ZBBX: variants seen among roughly 807,000 people sequenced by gnomAD.
ZBBX encodes zinc finger B-box domain containing, also known as zinc finger B-box domain-containing protein 1.
A neutral mutation model predicts 108.5 loss-of-function variants in ZBBX; 101 were observed. The observed-to-expected ratio is 0.93, with a 90% confidence interval of 0.79 to 1.10. The LOEUF is 1.10. Among genes scored for constraint, ZBBX ranks in the 50% least tolerant of loss-of-function variants. The pLI is 0.00. For missense variants in ZBBX, 1,009 were observed against 941.4 expected (o/e 1.07, Z -0.94); for synonymous variants, 356 against 323.4 (o/e 1.10, Z -1.08).
chr3:167,294,211 GAAACAAAAAAGA>G (rs1444824277), intron 18 of ZBBX, among the ~76,000 whole-genome samples: 1 of 151,974 alleles, frequency 6.6e-6, no homozygotes, highest in Non-Finnish European at 1.5e-5. Context: ...ATTTCATATG[GAAACAAAAAAGA>G]GCCCGCATGG....
the ZBBX span, among the ~76,000 whole-genome samples, chr3:167,201,809 T>C: frequency 6.6e-6 from 1 of 152,124 alleles, no homozygotes; most frequent in Non-Finnish European, 1.5e-5. Flanking sequence ...CGTATACAGA[T>C]ACATTGCCTG....
At position 167,379,806 on chromosome 3, in the gene ZBBX, T is replaced by C. The variant is rs1005741678; in HGVS notation, c.-286-14A>G. ...GCAGACTAAAGGCTACAAAAGGGGA[T>C]GAAATATGGTTTCTCAGGGTGCCAA... On this transcript the variant is annotated splice_polypyrimidine_tract_variant and intron_variant, in intron 1 of 21. Transcript: ENST00000675490. The C allele has an allele frequency of 1.2e-4, 18 of 152,236 alleles. No homozygotes were observed. The highest frequency in any genetic ancestry group is 4.1e-4 in the African/African-American group (17 of 41,440). 9.4% of individuals were successfully genotyped at this position (152,236 alleles called of 1,614,324 possible).
At chr3:167,276,126 T>C (rs1380089228) in intron 20 of ZBBX, among the ~76,000 whole-genome samples, 1 of 152,188 alleles carries the variant, frequency 6.6e-6, no homozygotes, top group Admixed American at 6.5e-5. Context: ...AAAACCCATC[T>C]GTACATCACC....
chr3:167,264,131 A>G (rs558408964), intron 20 of ZBBX, among the ~76,000 whole-genome samples: 1 of 152,318 alleles, frequency 6.6e-6, no homozygotes, highest in South Asian at 2.1e-4. Context: ...TATAGGCAAC[A>G]CATCATTGGG....
chr3:167,343,522 A>G (rs1190151201), intron 9 of ZBBX, among the ~76,000 whole-genome samples: 1 of 151,906 alleles, frequency 6.6e-6, no homozygotes, highest in Non-Finnish European at 1.5e-5. Context: ...TAACTTCACT[A>G]AAGTGCAGGC....
chr3:167,391,804 A>G (rs923807336), intron 1 of ZBBX, among the ~76,000 whole-genome samples: 10 of 151,876 alleles, frequency 6.6e-5, no homozygotes, highest in Admixed American at 2.6e-4. Context: ...TGACAAATAT[A>G]TGCTGTATGT....
chr3:167,358,665 G>C (rs568176571), intron 8 of ZBBX, among the ~76,000 whole-genome samples: 1 of 151,940 alleles, frequency 6.6e-6, no homozygotes. Flanking sequence ...GTCTAGGCGT[G>C]GTGGCTCACA....
chr3:167,377,060 A>G (rs936094718), intron 2 of ZBBX, among the ~76,000 whole-genome samples: 2 of 152,182 alleles, frequency 1.3e-5, no homozygotes, highest in African/African-American at 4.8e-5. Flanking sequence ...AAAATTTAGT[A>G]GTGATTTGGA....
chr3:167,194,229 A>AATATATATATAT, the ZBBX span, among the ~76,000 whole-genome samples: 1,872 of 139,692 alleles, frequency 0.013, 17 homozygotes, highest in Admixed American at 0.026. Flanking sequence ...ATATGTACTA[A>AATATATATATAT]ATATATATAT....
chr3:167,317,010 C>T lies in ZBBX; in HGVS notation c.1189G>A (p.Asp397Asn), dbSNP rs1735572208. ...TTATGCACTTATGCACTTACATCAT[C>T]CAGTTCGACTATCTTTAGAGATGGT... ...PEPSLKIVEL[D>N]DTYEEEFEEA... The change falls in exon 14 of 22, where the codon GAT (aspartate) becomes AAT (asparagine). Residue 397 changes from aspartate (D) to asparagine (N), a missense_variant. Physicochemically the swap from Asp to Asn is conservative, Grantham distance 23 (BLOSUM62 1). Coordinates refer to ENST00000675490, the MANE Select transcript of ZBBX (RefSeq NM_001199201.2). The T allele has an allele frequency of 6.3e-7, 1 of 1,587,596 alleles. No individual in the cohort carries two copies. Among genetic ancestry groups the T allele is most frequent in the East Asian group, 2.2e-5 (1 of 44,450 alleles).
chr3:167,288,445 C>T (rs1374104112), intron 19 of ZBBX, among the ~76,000 whole-genome samples: 3 of 152,092 alleles, frequency 2.0e-5, no homozygotes, highest in Non-Finnish European at 4.4e-5. Flanking sequence ...CAAGAAACAG[C>T]ATCTTAACCT....
the ZBBX span, among the ~76,000 whole-genome samples, chr3:167,186,363 G>A: frequency 6.6e-6 from 1 of 151,902 alleles, no homozygotes; most frequent in Non-Finnish European, 1.5e-5. Context: ...GGCTGCCATA[G>A]TGCTATGTAC....
At position 167,252,181 on chromosome 3, in the gene ZBBX, A is replaced by G. The variant is rs182337028; in HGVS notation, c.2255-9538T>C. 7.0e-6 allele frequency: 9 copies of G among 1,289,692 alleles called. No individual in the cohort carries two copies. The Admixed American group carries it at 1.4e-4, about 20-fold the overall frequency. The allele number at this position is 1,289,692 out of a possible 1,614,324, so 79.9% of individuals were successfully genotyped here. A position where few individuals can be genotyped will look rare whatever the true frequency, so the allele number is the denominator to read the frequency against. ...CAGCTCCTTAACATGGTTGTTTTTC[A>G]TAGAACTTAGAAAGAAGAAGTGGAT... On this transcript the variant is annotated intron_variant, in intron 20 of 21. Coordinates refer to ENST00000675490, the MANE Select transcript of ZBBX (RefSeq NM_001199201.2).
Position 167,250,400 on chromosome 3 carries a change from A to C in ZBBX, c.2255-7757T>G, listed in dbSNP as rs570259820. 1.1e-4 allele frequency among the ~76,000 whole-genome samples: 16 copies of C among 152,332 alleles called. No homozygotes were observed. The South Asian group carries it at 3.3e-3, about 32-fold the overall frequency. On this transcript the variant is annotated intron_variant, in intron 20 of 21. Transcript: ENST00000675490. ...TCCCATAAAACGTTTAATTTCTTTCACCAGGGTGAAACAGCTCAGGGTAGA... is the reference window on the plus strand; with the variant it reads ...TCCCATAAAACGTTTAATTTCTTTCCCCAGGGTGAAACAGCTCAGGGTAGA...
intron 17 of ZBBX, among the ~76,000 whole-genome samples, chr3:167,300,903 A>G (rs894326963): frequency 6.9e-6 from 1 of 145,958 alleles, no homozygotes; most frequent in Middle Eastern, 3.4e-3. Context: ...GGCGTGAGCC[A>G]CTGTGCCTGG....
rs539849376 is a variant in ZBBX, at chr3:167,348,766, T to G, written c.528+1654A>C. 2.0e-5 allele frequency among the ~76,000 whole-genome samples: 3 copies of G among 152,174 alleles called. No individual in the cohort carries two copies. In the East Asian group the frequency reaches 5.8e-4, roughly 29 times the overall value. On this transcript the variant is annotated intron_variant, in intron 9 of 21. Coordinates refer to ENST00000675490, the MANE Select transcript of ZBBX (RefSeq NM_001199201.2). ...ATACTATATATATATGAAGTGTATA[T>G]TCGGTAGATATTTTCTCACTAATTT... is the stretch of plus-strand genomic sequence containing the variant.
At chr3:167,308,448 T>G (rs2108247510) in intron 16 of ZBBX, among the ~76,000 whole-genome samples, 1 of 152,206 alleles carries the variant, frequency 6.6e-6, no homozygotes, top group South Asian at 2.1e-4. Context: ...CCCAGCAATC[T>G]CATTACTGGG....
At chr3:167,383,607 A>C (rs1443868657), upstream of ZBBX, among the ~76,000 whole-genome samples, 1 of 152,058 alleles carries the variant, frequency 6.6e-6, no homozygotes, top group Non-Finnish European at 1.5e-5. Context: ...TAAGCAAATA[A>C]ATTTTCATAA....
chr3:167,299,223 TCTAA>T (rs1415071618), intron 17 of ZBBX, among the ~76,000 whole-genome samples: 2 of 152,076 alleles, frequency 1.3e-5, no homozygotes, highest in African/African-American at 4.8e-5. Context: ...CCGTAATGAA[TCTAA>T]CTAATGCCCA....
Sources: allele counts gnomAD v4.1 joint callset (sites outside exome capture counted in the v4.1 genomes callset), GRCh38; gene constraint gnomAD v4.1.1; transcripts MANE v1.5; gene names NCBI Gene and HGNC (gene_info 2026-07-23, HGNC 2026-07-21).